LRRC4C: variants seen among roughly 807,000 people sequenced by gnomAD.
The protein encoded by LRRC4C is leucine rich repeat containing 4C, also known as leucine-rich repeat-containing protein 4C.
LRRC4C carries 5 observed loss-of-function variants against 33.6 expected under a neutral mutation model. The observed-to-expected ratio is 0.15, with a 90% CI of 0.08 to 0.31. The LOEUF (loss-of-function observed/expected upper bound fraction) is 0.31, where lower values mean the gene tolerates loss of function less well. Among genes scored for constraint, LRRC4C ranks in the 10% least tolerant of loss-of-function variants. The pLI, the probability that LRRC4C is intolerant of heterozygous loss-of-function variation, is 1.00. For missense variants in LRRC4C, 560 were observed against 796.7 expected, an observed-to-expected ratio of 0.70 and a Z score of 3.58; for synonymous variants, 329 against 302.0, an observed-to-expected ratio of 1.09 and a Z score of -0.93.
intron 2 of LRRC4C, among the ~76,000 whole-genome samples, chr11:40,811,783 A>G (rs1018381978): frequency 3.9e-5 from 6 of 152,206 alleles, no homozygotes; most frequent in Admixed American, 1.3e-4. Context: ...GGCATGAGCC[A>G]TCACACCCGG....
intron 2 of LRRC4C, among the ~76,000 whole-genome samples, chr11:40,913,967 C>T (rs890665490): frequency 1.2e-4 from 19 of 152,042 alleles, no homozygotes; most frequent in South Asian, 2.1e-4. Context: ...ATAAATTCCT[C>T]GACATATACA....
chr11:40,692,624 A>T (rs969217223), intron 2 of LRRC4C, among the ~76,000 whole-genome samples: 1 of 152,066 alleles, frequency 6.6e-6, no homozygotes, highest in African/African-American at 2.4e-5. Flanking sequence ...TTGAAAAGTT[A>T]TCCTTGTTCA....
intron 2 of LRRC4C, among the ~76,000 whole-genome samples, chr11:40,854,627 T>C (rs1483571182): frequency 6.6e-6 from 1 of 151,992 alleles, no homozygotes; most frequent in African/African-American, 2.4e-5. Context: ...TTTTCTGGTA[T>C]AGTTTTTTTG....
intron 3 of LRRC4C, among the ~76,000 whole-genome samples, chr11:40,373,297 G>A (rs1295635845): frequency 3.9e-5 from 6 of 151,962 alleles, no homozygotes; most frequent in African/African-American, 1.5e-4. Context: ...AAGAAACATT[G>A]ACCACAACAT....
chr11:41,284,391 CT>C (rs1239788546), intron 1 of LRRC4C, among the ~76,000 whole-genome samples: 2 of 152,156 alleles, frequency 1.3e-5, no homozygotes, highest in African/African-American at 4.8e-5. Context: ...CGCTCTCACA[CT>C]TTTTTTACAA....
chr11:40,561,302 G>C (rs1183411966), intron 3 of LRRC4C, among the ~76,000 whole-genome samples: 1 of 151,934 alleles, frequency 6.6e-6, no homozygotes, highest in African/African-American at 2.4e-5. Context: ...TGGAATGAAG[G>C]GATTGGACTG....
chr11:40,972,836 G>A (rs754854923), intron 1 of LRRC4C, among the ~76,000 whole-genome samples: 21 of 152,020 alleles, frequency 1.4e-4, no homozygotes, highest in Non-Finnish European at 5.9e-5. Context: ...TGGGGACACA[G>A]AGCCAGACCA....
chr11:41,100,032 G>C (rs946556757), intron 1 of LRRC4C, among the ~76,000 whole-genome samples: 1 of 151,972 alleles, frequency 6.6e-6, no homozygotes, highest in Non-Finnish European at 1.5e-5. Flanking sequence ...AAAATCACTA[G>C]TATTCCTATG....
chr11:40,853,749 CTGTGT>C (rs1953627359), intron 2 of LRRC4C, among the ~76,000 whole-genome samples: 1 of 152,108 alleles, frequency 6.6e-6, no homozygotes, highest in Non-Finnish European at 1.5e-5. Flanking sequence ...ACAGGGTGAA[CTGTGT>C]TATGGAGGGA....
At chr11:40,188,510 C>A (rs769995005) in intron 5 of LRRC4C, among the ~76,000 whole-genome samples, 24 of 152,274 alleles carry the variant, frequency 1.6e-4, no homozygotes, top group Middle Eastern at 3.4e-3. Flanking sequence ...GAGTTTGCAT[C>A]ATTTTTCTAC....
chr11:41,272,040 C>CA (rs1234876363), intron 1 of LRRC4C, among the ~76,000 whole-genome samples: 1 of 152,122 alleles, frequency 6.6e-6, no homozygotes, highest in Non-Finnish European at 1.5e-5. Context: ...TACCTGACTT[C>CA]AGGGCCCACA....
At position 40,988,708 on chromosome 11, in the gene LRRC4C, C is replaced by CT. The variant is rs1311047942; in HGVS notation, c.-495-54986dup. ...CCCAGCATTTGTTTTCCTTTCTTTT[C>CT]TTTTCTTTTTTTTTTTTTTTTTTTT... On this transcript the variant is annotated intron_variant, in intron 1 of 6. Transcript: ENST00000528697. 5.3e-4 allele frequency among the ~76,000 whole-genome samples: 57 copies of CT among 107,060 alleles called. 1 individual carries two copies. Among genetic ancestry groups the CT allele is most frequent in the South Asian group, 2.7e-3 (7 of 2,554 alleles). 70.2% of individuals were successfully genotyped at this position (107,060 alleles called of 152,430 possible). A position where few individuals can be genotyped will look rare whatever the true frequency, so the allele number is the denominator to read the frequency against.
chr11:40,495,813 G>GTT (rs77683172), intron 3 of LRRC4C, among the ~76,000 whole-genome samples: 1,194 of 66,944 alleles, frequency 0.018, 361 homozygotes, highest in Non-Finnish European at 0.021. Context: ...CAATAAACAT[G>GTT]TTTTTTTTTT....
intron 4 of LRRC4C, among the ~76,000 whole-genome samples, chr11:40,259,094 G>A (rs1032635978): frequency 2.0e-5 from 3 of 152,148 alleles, no homozygotes. Context: ...CTTGCCCAAA[G>A]ACTCACAGCT....
intron 5 of LRRC4C, among the ~76,000 whole-genome samples, chr11:40,163,620 G>A (rs1335624773): frequency 6.6e-6 from 1 of 152,100 alleles, no homozygotes; most frequent in East Asian, 1.9e-4. Flanking sequence ...ACTATAAGCT[G>A]CTTCTAGAGT....
intron 3 of LRRC4C, among the ~76,000 whole-genome samples, chr11:40,419,875 A>G (rs1260154720): frequency 2.0e-5 from 3 of 152,226 alleles, no homozygotes; most frequent in African/African-American, 7.2e-5. Context: ...GGAAGTGAGC[A>G]TCTCAAAAGG....
chr11:40,521,357 G>A (rs967406335), intron 3 of LRRC4C, among the ~76,000 whole-genome samples: 1 of 152,212 alleles, frequency 6.6e-6, no homozygotes, highest in Non-Finnish European at 1.5e-5. Context: ...TAATAAGAAA[G>A]AGTCAGCTTG....
chr11:41,117,820 A>T (rs1031105046), intron 1 of LRRC4C, among the ~76,000 whole-genome samples: 8 of 152,182 alleles, frequency 5.3e-5, no homozygotes, highest in Non-Finnish European at 7.3e-5. Flanking sequence ...TATTTCAAGC[A>T]AAATTCGCAT....
At chr11:41,156,934 G>A (rs1405381039) in intron 1 of LRRC4C, among the ~76,000 whole-genome samples, 1 of 152,086 alleles carries the variant, frequency 6.6e-6, no homozygotes, top group Non-Finnish European at 1.5e-5. Flanking sequence ...GTGTTTAGGT[G>A]TTGAGGGCTC....
Sources: allele counts gnomAD v4.1 joint callset (sites outside exome capture counted in the v4.1 genomes callset), GRCh38; gene constraint gnomAD v4.1.1; transcripts MANE v1.5; gene names NCBI Gene and HGNC (gene_info 2026-07-23, HGNC 2026-07-21).